Variants in UBE2R2 observed in about 807,000 individuals in gnomAD.
The protein encoded by UBE2R2 is ubiquitin conjugating enzyme E2 R2.
UBE2R2 carries 1 observed loss-of-function variant against 27.8 expected under a neutral mutation model. That is an observed-to-expected ratio of 0.04 (90% confidence interval 0.01 to 0.17). The LOEUF (loss-of-function observed/expected upper bound fraction) is 0.17, where lower values mean the gene tolerates loss of function less well. Ranked by LOEUF, UBE2R2 falls within the 10% of genes least tolerant of loss-of-function variation. The pLI is 1.00. For missense variants in UBE2R2, 100 were observed against 291.0 expected (o/e 0.34, Z 4.78); for synonymous variants, 106 against 113.3 (o/e 0.94, Z 0.41).
intron 2 of UBE2R2, among the ~76,000 whole-genome samples, chr9:33,891,047 G>GTTTTTTTGTTGTTTT (rs1821970112): frequency 7.9e-6 from 1 of 126,412 alleles, no homozygotes; most frequent in East Asian, 2.7e-4. Flanking sequence ...TTGTTGTTGT[G>GTTTTTTTGTTGTTTT]TTTTTTTGTT....
chr9:33,912,623 CA>C lies in UBE2R2; in HGVS notation c.497+540del, dbSNP rs1219104785. ...TGGGCGACAGTGCGAGACTCCATCTCAAAAAAAAAAAAAAATTGAATAAATA... is the reference window on the plus strand; with the variant it reads ...TGGGCGACAGTGCGAGACTCCATCTCAAAAAAAAAAAAAATTGAATAAATA... On this transcript the variant is annotated intron_variant, in intron 4 of 4. Transcript: ENST00000263228. 1.7e-3 allele frequency among the ~76,000 whole-genome samples: 206 copies of C among 122,728 alleles called. 1 individual carries two copies. The highest frequency in any genetic ancestry group is 4.2e-3 in the Middle Eastern group (1 of 240). The allele number at this position is 122,728 out of a possible 152,430, so 80.5% of individuals were successfully genotyped here. A position where few individuals can be genotyped will look rare whatever the true frequency, so the allele number is the denominator to read the frequency against.
At chr9:33,844,483 C>A (rs796495362) in intron 1 of UBE2R2, among the ~76,000 whole-genome samples, 4 of 148,326 alleles carry the variant, frequency 2.7e-5, no homozygotes, top group African/African-American at 7.5e-5. Flanking sequence ...GGATTACAGG[C>A]GTGAGCCACC....
At chr9:33,869,210 A>T (rs1238388807) in intron 1 of UBE2R2, among the ~76,000 whole-genome samples, 2 of 152,140 alleles carry the variant, frequency 1.3e-5, no homozygotes, top group African/African-American at 4.8e-5. Context: ...TCGAGGCTGC[A>T]GTGAGCCCAG....
intron 1 of UBE2R2, among the ~76,000 whole-genome samples, chr9:33,870,022 T>C (rs1821453263): frequency 6.6e-6 from 1 of 151,914 alleles, no homozygotes; most frequent in South Asian, 2.1e-4. Context: ...AATTTTTGTA[T>C]TTTTAGTAGA....
intron 1 of UBE2R2, among the ~76,000 whole-genome samples, chr9:33,877,875 C>T (rs1821650671): frequency 6.6e-6 from 1 of 151,568 alleles, no homozygotes; most frequent in Non-Finnish European, 1.5e-5. Flanking sequence ...CTTTCCTCAG[C>T]CTCCTGAATA....
chr9:33,824,871 T>G (rs1394782584), intron 1 of UBE2R2, among the ~76,000 whole-genome samples: 1 of 152,088 alleles, frequency 6.6e-6, no homozygotes, highest in Non-Finnish European at 1.5e-5. Flanking sequence ...AAGTGGTACT[T>G]ATAACCTAGT....
At chr9:33,906,062 G>T (rs1433504911) in intron 3 of UBE2R2, among the ~76,000 whole-genome samples, 1 of 152,192 alleles carries the variant, frequency 6.6e-6, no homozygotes, top group Non-Finnish European at 1.5e-5. Context: ...TGATTATGGC[G>T]TGAAGTAAGT....
intron 1 of UBE2R2, among the ~76,000 whole-genome samples, chr9:33,871,720 A>AT (rs993443709): frequency 1.1e-4 from 16 of 151,742 alleles, no homozygotes; most frequent in African/African-American, 3.6e-4. Context: ...TTCCGTATTT[A>AT]TTTTTTTTGA....
intron 1 of UBE2R2, among the ~76,000 whole-genome samples, chr9:33,822,426 C>T (rs892616917): frequency 3.0e-5 from 4 of 133,746 alleles, no homozygotes; most frequent in Admixed American, 7.6e-5. Flanking sequence ...TCTTCAAAAC[C>T]TTTTTTTTTT....
At chr9:33,855,506 A>G (rs778394266) in intron 1 of UBE2R2, among the ~76,000 whole-genome samples, 3 of 152,080 alleles carry the variant, frequency 2.0e-5, no homozygotes, top group Non-Finnish European at 4.4e-5. Flanking sequence ...TTGGTTATGT[A>G]TATTGGGGAA....
intron 1 of UBE2R2, among the ~76,000 whole-genome samples, chr9:33,865,204 A>G (rs544787985): frequency 4.7e-5 from 7 of 148,804 alleles, no homozygotes; most frequent in East Asian, 4.1e-4. Context: ...CTATCTATCT[A>G]TCTATCTATT....
intron 1 of UBE2R2, among the ~76,000 whole-genome samples, chr9:33,827,165 T>A (rs1305930557): frequency 2.6e-5 from 4 of 151,454 alleles, no homozygotes; most frequent in African/African-American, 9.7e-5. Context: ...GCTGTTCGAA[T>A]AAAAAAAAAT....
Position 33,822,098 on chromosome 9 carries a change from T to TA in UBE2R2, c.177+4164_177+4165insA, listed in dbSNP as rs1563978841. Reference sequence around the variant, plus strand: ...AACACTGACATATATATATATATATTTTTTTTTTTTGAGACTGAGTTTTGC... The same window carrying TA: ...AACACTGACATATATATATATATATTATTTTTTTTTTGAGACTGAGTTTTGC... On this transcript the variant is annotated intron_variant, in intron 1 of 4. Transcript: ENST00000263228. Among the ~76,000 whole-genome samples, 223 of 136,112 alleles carry TA rather than the reference T, an allele frequency of 1.6e-3. 1 individual carries two copies. The highest frequency in any genetic ancestry group is 6.1e-3 in the African/African-American group (199 of 32,702). The allele number at this position is 136,112 out of a possible 152,430, so 89.3% of individuals were successfully genotyped here. A position where few individuals can be genotyped will look rare whatever the true frequency, so the allele number is the denominator to read the frequency against.
At chr9:33,820,386 T>C (rs1037186380) in intron 1 of UBE2R2, among the ~76,000 whole-genome samples, 16 of 152,200 alleles carry the variant, frequency 1.1e-4, no homozygotes, top group African/African-American at 3.6e-4. Flanking sequence ...TGTAAACAGG[T>C]TTTATGGTTT....
At chr9:33,832,832 CT>C (rs552910332) in intron 1 of UBE2R2, among the ~76,000 whole-genome samples, 151 of 151,766 alleles carry the variant, frequency 9.9e-4, no homozygotes, top group Non-Finnish European at 1.5e-3. Context: ...TAAAATTAAT[CT>C]TTTTAGTTAC....
intron 2 of UBE2R2, among the ~76,000 whole-genome samples, chr9:33,892,312 A>G (rs1383007398): frequency 6.6e-6 from 1 of 152,242 alleles, no homozygotes; most frequent in Non-Finnish European, 1.5e-5. Context: ...GAGAGTTCAT[A>G]TAACACTTTC....
chr9:33,864,371 T>C (rs1821313657), intron 1 of UBE2R2, among the ~76,000 whole-genome samples: 1 of 152,062 alleles, frequency 6.6e-6, no homozygotes, highest in Non-Finnish European at 1.5e-5. Flanking sequence ...AACAAACCAT[T>C]CATGAGTTAT....
At chr9:33,881,663 T>A (rs139137619) in intron 1 of UBE2R2, among the ~76,000 whole-genome samples, 1 of 152,192 alleles carries the variant, frequency 6.6e-6, no homozygotes, top group African/African-American at 2.4e-5. Context: ...GGTTATCTGA[T>A]GTTTTTCTCA....
At chr9:33,892,297 A>G (rs1822005344) in intron 2 of UBE2R2, among the ~76,000 whole-genome samples, 1 of 152,222 alleles carries the variant, frequency 6.6e-6, no homozygotes, top group Non-Finnish European at 1.5e-5. Flanking sequence ...AAACTGTATT[A>G]CAATGAGAGT....
Sources: allele counts gnomAD v4.1 joint callset (sites outside exome capture counted in the v4.1 genomes callset), GRCh38; gene constraint gnomAD v4.1.1; transcripts MANE v1.5; gene names NCBI Gene and HGNC (gene_info 2026-07-23, HGNC 2026-07-21).